Variants in TNS1 observed in about 807,000 individuals in gnomAD.
TNS1 encodes the protein tensin 1.
Under a neutral mutation model 168.6 loss-of-function variants are expected in TNS1, and 62 were observed. That is an observed-to-expected ratio of 0.37 (90% CI 0.30 to 0.45). The LOEUF (loss-of-function observed/expected upper bound fraction) is 0.45. TNS1 is among the 20% of genes least tolerant of loss of function. The pLI is 1.00. For missense variants in TNS1, 2,240 were observed against 2,339.4 expected (o/e 0.96, Z 0.88); for synonymous variants, 934 against 933.2 (o/e 1.00, Z -0.02).
chr2:217,936,877 G>C, intron 3 of TNS1: 2 of 453,334 alleles, frequency 4.4e-6, no homozygotes, highest in Non-Finnish European at 8.9e-6. Context: ...GCACTACAAG[G>C]TTGGAAATAT....
Position 217,804,367 on chromosome 2 carries a change from C to A in TNS1, c.*92G>T. ...CTCTCCTCCGAAATTGGCCCAAAGT[C>A]CTCCTTCTGGGTTCAAGAGTGGTCA... On this transcript the variant is annotated 3_prime_UTR_variant, in exon 33 of 33. Coordinates refer to ENST00000682258, the MANE Select transcript of TNS1 (RefSeq NM_001387777.1). The A allele has an allele frequency of 6.5e-7, 1 of 1,529,444 alleles. No homozygotes were observed. Among genetic ancestry groups the A allele is most frequent in the Non-Finnish European group, 8.8e-7 (1 of 1,131,906 alleles). The allele number at this position is 1,529,444 out of a possible 1,614,324, so 94.7% of individuals were successfully genotyped here. A position where few individuals can be genotyped will look rare whatever the true frequency, so the allele number is the denominator to read the frequency against.
chr2:217,818,905 G>A (rs750250128), intron 23 of TNS1, 146 bp from the exon 24 acceptor site: 2 of 672,220 alleles, frequency 3.0e-6, no homozygotes, highest in East Asian at 2.7e-5. Context: ...GGTTTTATAC[G>A]TTACCTTACA....
At chr2:217,996,358 T>A (rs1439022618) in intron 1 of TNS1, among the ~76,000 whole-genome samples, 7 of 152,134 alleles carry the variant, frequency 4.6e-5, no homozygotes, top group Non-Finnish European at 8.8e-5. Context: ...ACCCTTAGGC[T>A]GGGAGGCCTG....
Position 217,873,751 on chromosome 2 carries a change from A to G in TNS1, c.1429+7147T>C, listed in dbSNP as rs73076393. ...ATGAAAGACTTTTGGGCAGTTGGAC[A>G]GGGTCTCCCAAATACCTACAGAAGT... On this transcript the variant is annotated intron_variant, in intron 18 of 32. Transcript: ENST00000682258. Among the ~76,000 whole-genome samples, 1,507 of 152,278 alleles carry G rather than the reference A, an allele frequency of 9.9e-3. 26 individuals carry two copies. Among genetic ancestry groups the G allele is most frequent in the African/African-American group, 0.034 (1,424 of 41,540 alleles).
intron 2 of TNS1, among the ~76,000 whole-genome samples, chr2:217,989,163 CG>C (rs1958285092): frequency 6.6e-6 from 1 of 152,142 alleles, no homozygotes; most frequent in Non-Finnish European, 1.5e-5. Context: ...GAGGAACATG[CG>C]GCAGAGAGCT....
chr2:217,835,972 A>C, intron 20 of TNS1, 43 bp downstream of exon 20: 1 of 1,539,880 alleles, frequency 6.5e-7, no homozygotes, highest in Non-Finnish European at 8.9e-7. Flanking sequence ...TAAAGTGGGC[A>C]CCACTACCCT....
At chr2:217,889,060 C>T (rs541407833) in intron 12 of TNS1, among the ~76,000 whole-genome samples, 4 of 152,250 alleles carry the variant, frequency 2.6e-5, no homozygotes, top group South Asian at 2.1e-4. Flanking sequence ...TCAGCAGACA[C>T]ACATGGCAAG....
intron 2 of TNS1, among the ~76,000 whole-genome samples, chr2:217,981,851 A>T (rs1403960245): frequency 1.3e-5 from 2 of 152,076 alleles, no homozygotes; most frequent in African/African-American, 4.8e-5. Context: ...CTGGCCTCTC[A>T]CTTTCAGATC....
intron 6 of TNS1, chr2:217,901,750 A>G (rs1953010078): frequency 1.3e-5 from 2 of 152,108 alleles, no homozygotes; most frequent in African/African-American, 2.4e-5. Flanking sequence ...CAGGATTCAC[A>G]CTCCAACCTG....
chr2:218,013,081 C>T (rs1439036219), upstream of TNS1, among the ~76,000 whole-genome samples: 3 of 150,832 alleles, frequency 2.0e-5, no homozygotes, highest in South Asian at 2.1e-4. Context: ...AACCCCATCA[C>T]TAGTAAAAAT....
rs138174448 is a variant in TNS1, at chr2:217,930,010, C to A, written c.187-9774G>T. Among the ~76,000 whole-genome samples, 5 of 152,328 alleles carry A rather than the reference C, an allele frequency of 3.3e-5. No homozygotes were observed. The South Asian group carries it at 1.0e-3, about 32-fold the overall frequency. ...AAGTTCTTGCATAGCTCCCAGCTCACGGGAGAAAGTCCAAATGTCCTAATA... is the reference window on the plus strand; with the variant it reads ...AAGTTCTTGCATAGCTCCCAGCTCAAGGGAGAAAGTCCAAATGTCCTAATA... On this transcript the variant is annotated intron_variant, in intron 3 of 32. Coordinates refer to ENST00000682258, the MANE Select transcript of TNS1 (RefSeq NM_001387777.1).
At chr2:217,907,741 G>A (rs1953880305) in intron 4 of TNS1, among the ~76,000 whole-genome samples, 1 of 152,190 alleles carries the variant, frequency 6.6e-6, no homozygotes, top group South Asian at 2.1e-4. Context: ...CTGAAATAGT[G>A]CAGCCAGCCA....
At chr2:217,981,382 C>T (rs1446504051) in intron 2 of TNS1, among the ~76,000 whole-genome samples, 1 of 152,232 alleles carries the variant, frequency 6.6e-6, no homozygotes, top group Non-Finnish European at 1.5e-5. Context: ...CCTGACTGTA[C>T]AGGGCAGCCC....
Position 217,813,808 on chromosome 2 carries a change from G to T in TNS1, c.4738C>A (p.Leu1580Ile). The T allele has an allele frequency of 6.2e-7, 1 of 1,610,420 alleles. No homozygotes were observed. Residue 1580 changes from leucine (L) to isoleucine (I), a missense_variant, in exon 26 of 33, where the codon CTC (leucine) becomes ATC (isoleucine). By Grantham distance (5) the Leu-to-Ile change is conservative. Coordinates refer to ENST00000682258, the MANE Select transcript of TNS1 (RefSeq NM_001387777.1). The surrounding 1 kb of genome is among the most constrained non-coding windows in gnomAD (Gnocchi z 4.0). ...GCCCCCGGCTCCTGGTCCTTGAGGA[G>T]CGCGATGGCTGCATGGGGAAGGGAC... ...PEISREQAIA[L>I]LKDQEPGAFI...
intron 1 of TNS1, among the ~76,000 whole-genome samples, chr2:218,031,126 CTGTGTG>C (rs146576163): frequency 5.9e-5 from 5 of 85,106 alleles, no homozygotes; most frequent in Non-Finnish European, 4.1e-5. Flanking sequence ...GTGAGCATGT[CTGTGTG>C]TGTGTGTGTA....
chr2:217,946,969 T>TCTCTCTCA (rs1553618866), intron 3 of TNS1, among the ~76,000 whole-genome samples: 6 of 118,868 alleles, frequency 5.0e-5, no homozygotes, highest in African/African-American at 1.2e-4. Flanking sequence ...TCTCTCTCTC[T>TCTCTCTCA]CACACACACA....
At chr2:217,831,616 G>A (rs550324194) in intron 21 of TNS1, 69 bp from the exon 22 acceptor site, 185 of 1,271,626 alleles carry the variant, frequency 1.5e-4, no homozygotes, top group Non-Finnish European at 1.7e-4. Flanking sequence ...CGCCAGGCAC[G>A]TGAGGGCACG....
At chr2:218,008,160 C>T (rs562942809) in intron 1 of TNS1, among the ~76,000 whole-genome samples, 6 of 152,300 alleles carry the variant, frequency 3.9e-5, no homozygotes, top group South Asian at 2.1e-4. Flanking sequence ...TGGGCGGAGA[C>T]GTGTCTGGGC....
At chr2:217,978,698 C>A in intron 3 of TNS1, 67 bp downstream of exon 3, 2 of 687,634 alleles carry the variant, frequency 2.9e-6, no homozygotes, top group South Asian at 3.0e-5. Flanking sequence ...CGCCCCCGCT[C>A]CAATCTGGGA....
Sources: allele counts gnomAD v4.1 joint callset (sites outside exome capture counted in the v4.1 genomes callset), GRCh38; gene constraint gnomAD v4.1.1; non-coding constraint Gnocchi (gnomAD v3.1); transcripts MANE v1.5; gene names NCBI Gene and HGNC (gene_info 2026-07-23, HGNC 2026-07-21).